TYW1: variants seen among roughly 807,000 people sequenced by gnomAD.
TYW1 encodes S-adenosyl-L-methionine-dependent tRNA 4-demethylwyosine synthase TYW1.
TYW1 carries 46 observed loss-of-function variants against 96.2 expected under a neutral mutation model. The ratio of observed to expected loss-of-function variants is 0.48; its 90% CI spans 0.38 to 0.61. The LOEUF is 0.61. Ranked by LOEUF, TYW1 falls within the 20% of genes least tolerant of loss-of-function variation. TYW1 has a pLI of 0.00. For synonymous variants in TYW1, 274 were observed against 323.0 expected (o/e 0.85, Z 1.63); for missense variants, 684 against 909.6 (o/e 0.75, Z 3.19).
At chr7:67,178,433 G>GT (rs1472400599) in intron 13 of TYW1, among the ~76,000 whole-genome samples, 2 of 152,192 alleles carry the variant, frequency 1.3e-5, no homozygotes, top group Non-Finnish European at 2.9e-5. Context: ...ACAAAAGAAT[G>GT]TATGTCACAG....
At chr7:67,167,281 A>G (rs1256181539) in intron 13 of TYW1, among the ~76,000 whole-genome samples, 4 of 152,054 alleles carry the variant, frequency 2.6e-5, no homozygotes, top group African/African-American at 7.2e-5. Flanking sequence ...CATCCTGGCT[A>G]ACACGGTGAA....
rs1204891639 is a variant in TYW1, at chr7:67,117,605, C to A, written c.1685C>A (p.Ala562Asp). 6.2e-7 allele frequency: 1 copy of A among 1,611,116 alleles called. No individual in the cohort carries two copies. Among genetic ancestry groups the A allele is most frequent in the African/African-American group, 1.3e-5 (1 of 74,610 alleles). ...CAGAGATTCCTTGACAGTTTAAAAG[C>A]CTTGGCAGTCAAGGTAAGAATTATG... ...FWQRFLDSLK[A>D]LAVKQQRTVY... Residue 562 changes from alanine (A) to aspartate (D), a missense_variant, in exon 13 of 16, where the codon GCC (alanine) becomes GAC (aspartate). By Grantham distance (126) the Ala-to-Asp change is moderately radical (BLOSUM62 -2). Transcript: ENST00000359626.
At chr7:67,189,422 A>G (rs556316822) in intron 14 of TYW1, among the ~76,000 whole-genome samples, 13 of 151,038 alleles carry the variant, frequency 8.6e-5, no homozygotes, top group African/African-American at 2.9e-4. Context: ...GTGTATGTGC[A>G]TGTGTGTGTG....
intron 9 of TYW1, among the ~76,000 whole-genome samples, chr7:67,066,861 G>A (rs1199798664): frequency 1.3e-5 from 2 of 152,102 alleles, no homozygotes; most frequent in Non-Finnish European, 2.9e-5. Flanking sequence ...ACAAAACAAA[G>A]GAACAACACT....
chr7:67,229,398 C>T (rs1278507712), intron 15 of TYW1, among the ~76,000 whole-genome samples: 1 of 81,760 alleles, frequency 1.2e-5, no homozygotes, highest in Non-Finnish European at 2.6e-5. Flanking sequence ...ATTAGCTGGG[C>T]CGTGGTGGGG....
chr7:67,017,099 C>T (rs528398456), intron 5 of TYW1, among the ~76,000 whole-genome samples: 3 of 150,036 alleles, frequency 2.0e-5, no homozygotes, highest in South Asian at 4.2e-4. Context: ...TCTCATGACT[C>T]GACCTTACAA....
intron 10 of TYW1, among the ~76,000 whole-genome samples, chr7:67,078,455 T>G (rs552387472): frequency 1.3e-5 from 2 of 152,264 alleles, no homozygotes; most frequent in African/African-American, 4.8e-5. Context: ...TGCATAGGAT[T>G]TCTTTGGCTA....
chr7:67,169,867 C>T lies in TYW1; in HGVS notation c.1699-13259C>T, dbSNP rs1333579250. ...CAGGTTTTAGTGTGAATATATGTTT[C>T]AGTTCACACTTATGAGTAAAATTGC... On this transcript the variant is annotated intron_variant, in intron 13 of 15. Coordinates refer to ENST00000359626, the MANE Select transcript of TYW1 (RefSeq NM_018264.4). 2.0e-5 allele frequency among the ~76,000 whole-genome samples: 3 copies of T among 152,220 alleles called. No individual in the cohort carries two copies. The East Asian group carries it at 5.8e-4, about 29-fold the overall frequency.
At position 67,220,742 on chromosome 7, in the gene TYW1, C is replaced by CTT. The variant is rs57839783; in HGVS notation, c.1978-17555_1978-17554dup. Among the ~76,000 whole-genome samples, 73 of 144,782 alleles carry CTT rather than the reference C, an allele frequency of 5.0e-4. 1 individual carries two copies. Among genetic ancestry groups the CTT allele is most frequent in the African/African-American group, 8.9e-4 (35 of 39,236 alleles). 95.0% of individuals were successfully genotyped at this position (144,782 alleles called of 152,430 possible). A position where few individuals can be genotyped will look rare whatever the true frequency, so the allele number is the denominator to read the frequency against. On this transcript the variant is annotated intron_variant, in intron 15 of 15. Transcript: ENST00000359626. ...TGCTTTATTTTCTTTCTTTCTTTTT[C>CTT]TTTTTTTTTTTTGAGACGGAGTTTT...
intron 7 of TYW1, among the ~76,000 whole-genome samples, chr7:67,032,982 T>C (rs113190498): frequency 1.2e-3 from 161 of 136,592 alleles, no homozygotes; most frequent in African/African-American, 4.2e-3. Flanking sequence ...CTGCAACCTC[T>C]GCCTCCCAGG....
At chr7:67,097,512 C>T (rs1332717453) in intron 11 of TYW1, among the ~76,000 whole-genome samples, 3 of 152,158 alleles carry the variant, frequency 2.0e-5, no homozygotes, top group Admixed American at 1.3e-4. Flanking sequence ...GATTCTCCTG[C>T]CTCAGCCTCC....
At chr7:67,103,484 A>C (rs1000832236) in intron 12 of TYW1, among the ~76,000 whole-genome samples, 2 of 152,256 alleles carry the variant, frequency 1.3e-5, no homozygotes, top group African/African-American at 4.8e-5. Flanking sequence ...GCTATAGAAT[A>C]GTGAAACAAG....
chr7:67,108,443 CTTTTTTT>C (rs11433479), intron 12 of TYW1, among the ~76,000 whole-genome samples: 1 of 134,798 alleles, frequency 7.4e-6, no homozygotes, highest in Non-Finnish European at 1.6e-5. Flanking sequence ...CAGATTTTTT[CTTTTTTT>C]TTTTTTTTTG....
At chr7:67,037,567 T>C (rs950956993) in intron 7 of TYW1, among the ~76,000 whole-genome samples, 2 of 152,086 alleles carry the variant, frequency 1.3e-5, no homozygotes, top group African/African-American at 4.8e-5. Context: ...AGAGGTTAAT[T>C]TTCCAGGAGC....
chr7:67,009,512 C>A, intron 3 of TYW1, 71 bp from the exon 4 acceptor site: 1 of 1,344,718 alleles, frequency 7.4e-7, no homozygotes, highest in Non-Finnish European at 1.0e-6. Context: ...CATTCTTGTG[C>A]CAACAGGGGT....
intron 4 of TYW1, among the ~76,000 whole-genome samples, chr7:67,011,879 A>G (rs1252429474): frequency 6.6e-6 from 1 of 151,860 alleles, no homozygotes; most frequent in Admixed American, 6.6e-5. Flanking sequence ...GTCTCAAAAA[A>G]AAAAAAAAAA....
intron 13 of TYW1, among the ~76,000 whole-genome samples, chr7:67,130,559 G>A (rs957338009): frequency 2.6e-5 from 4 of 151,838 alleles, no homozygotes; most frequent in African/African-American, 9.7e-5. Context: ...AGCTACTCGG[G>A]AGGCTGAGGC....
chr7:67,133,829 G>A (rs1265574835), intron 13 of TYW1, among the ~76,000 whole-genome samples: 2 of 151,348 alleles, frequency 1.3e-5, no homozygotes, highest in African/African-American at 4.9e-5. Context: ...CCTTTGTCTA[G>A]ACTCTTAGAA....
intron 13 of TYW1, among the ~76,000 whole-genome samples, chr7:67,159,902 G>A (rs1799106991): frequency 6.6e-6 from 1 of 151,700 alleles, no homozygotes; most frequent in Admixed American, 6.6e-5. Flanking sequence ...CCGGGTTCAC[G>A]CCATTCTCCT....
Sources: gnomAD v4.1 joint callset for allele counts (sites outside exome capture counted in the v4.1 genomes callset) on GRCh38, gnomAD v4.1.1 for gene constraint, MANE v1.5 for transcripts, NCBI Gene and HGNC (gene_info 2026-07-23, HGNC 2026-07-21) for gene names.